Variants in ATXN2 observed in about 807,000 individuals in gnomAD.
The protein encoded by ATXN2 is ataxin-2.
ATXN2 carries 37 observed loss-of-function variants against 138.6 expected under a neutral mutation model. That is an observed-to-expected ratio of 0.27 (90% CI 0.21 to 0.35). The LOEUF (loss-of-function observed/expected upper bound fraction) is 0.35. Among genes scored for constraint, ATXN2 ranks in the 10% least tolerant of loss-of-function variants. The pLI is 1.00. For missense variants in ATXN2, 1,216 were observed against 1,480.3 expected, an observed-to-expected ratio of 0.82 and a Z score of 2.93; for synonymous variants, 549 against 543.7, an observed-to-expected ratio of 1.01 and a Z score of -0.13.
At chr12:111,549,620 A>G (rs1048042393) in intron 5 of ATXN2, among the ~76,000 whole-genome samples, 3 of 152,118 alleles carry the variant, frequency 2.0e-5, no homozygotes, top group African/African-American at 7.2e-5. Context: ...CCTAATTAAT[A>G]CTTTTCTTCT....
At chr12:111,558,312 A>G (rs1489567348) in intron 1 of ATXN2, among the ~76,000 whole-genome samples, 1 of 152,184 alleles carries the variant, frequency 6.6e-6, no homozygotes, top group Admixed American at 6.5e-5. Context: ...CAAACCAAAT[A>G]TTTTACTATT....
chr12:111,589,699 G>C (rs1884549275), intron 1 of ATXN2, among the ~76,000 whole-genome samples: 1 of 151,836 alleles, frequency 6.6e-6, no homozygotes, highest in Non-Finnish European at 1.5e-5. Context: ...TTGAACGCAA[G>C]AGGCAGAGGT....
At chr12:111,471,426 G>A (rs1263042793) in intron 18 of ATXN2, 1 of 152,294 alleles carries the variant, frequency 6.6e-6, no homozygotes, top group Non-Finnish European at 1.5e-5. Flanking sequence ...GCACGAGCTA[G>A]CTACTTCCCA....
intron 14 of ATXN2, among the ~76,000 whole-genome samples, chr12:111,505,921 A>G (rs535452368): frequency 6.6e-6 from 1 of 152,248 alleles, no homozygotes; most frequent in Non-Finnish European, 1.5e-5. Context: ...CAGAATAGTC[A>G]AACAGTGAGA....
chr12:111,491,456 C>T (rs1566022158), intron 14 of ATXN2, among the ~76,000 whole-genome samples: 1 of 152,060 alleles, frequency 6.6e-6, no homozygotes, highest in African/African-American at 2.4e-5. Flanking sequence ...CAAGGGAGTG[C>T]TTGTGCCAGC....
At chr12:111,464,247 GGTGTGTGTGT>G (rs57717176) in intron 21 of ATXN2, among the ~76,000 whole-genome samples, 29 of 134,714 alleles carry the variant, frequency 2.2e-4, no homozygotes, top group Admixed American at 1.2e-3. Flanking sequence ...TGTGGCTTGG[GGTGTGTGTGT>G]GTGTGTGTGT....
intron 1 of ATXN2, among the ~76,000 whole-genome samples, chr12:111,573,702 C>T (rs1883463724): frequency 6.6e-6 from 1 of 152,160 alleles, no homozygotes; most frequent in African/African-American, 2.4e-5. Flanking sequence ...ACCAGCCTGA[C>T]AGGCTGGGCT....
intron 1 of ATXN2, among the ~76,000 whole-genome samples, chr12:111,574,043 T>G (rs2135817702): frequency 6.6e-6 from 1 of 151,316 alleles, no homozygotes; most frequent in African/African-American, 2.4e-5. Context: ...TCCGGCCGGG[T>G]GCGGTGATTC....
chr12:111,548,535 G>A (rs917753841), intron 5 of ATXN2, among the ~76,000 whole-genome samples: 2 of 152,060 alleles, frequency 1.3e-5, no homozygotes, highest in Non-Finnish European at 2.9e-5. Context: ...AATTATAAAA[G>A]CTCAGAAATG....
chr12:111,452,901 G>A (rs1874767013), intron 24 of ATXN2, 61 bp from the exon 25 acceptor site: 11 of 1,531,728 alleles, frequency 7.2e-6, no homozygotes, highest in South Asian at 5.9e-5. Context: ...TCAGCCTAGT[G>A]TCTCTGCAGC....
intron 18 of ATXN2, 65 bp downstream of exon 18, chr12:111,485,200 A>C: frequency 2.1e-6 from 3 of 1,454,088 alleles, no homozygotes; most frequent in Non-Finnish European, 1.9e-6. Flanking sequence ...TATTCATTAT[A>C]AACTTAGTTA....
chr12:111,525,692 T>G (rs1054572947), intron 5 of ATXN2, among the ~76,000 whole-genome samples: 3 of 152,000 alleles, frequency 2.0e-5, no homozygotes, highest in Non-Finnish European at 4.4e-5. Context: ...AAGCATTTTT[T>G]TTTTTTTTTT....
intron 1 of ATXN2, among the ~76,000 whole-genome samples, chr12:111,573,889 G>A (rs11065955): frequency 2.2e-5 from 3 of 138,194 alleles, no homozygotes; most frequent in African/African-American, 5.4e-5. Context: ...TTTTTTTCCA[G>A]AAAAAATGGC....
chr12:111,549,279 AT>A (rs1182338662), intron 5 of ATXN2, among the ~76,000 whole-genome samples: 1 of 152,176 alleles, frequency 6.6e-6, no homozygotes, highest in African/African-American at 2.4e-5. Flanking sequence ...AATAAAAAAA[AT>A]CTAGATGCAG....
intron 14 of ATXN2, among the ~76,000 whole-genome samples, chr12:111,508,125 C>G (rs1879280110): frequency 6.6e-6 from 1 of 151,792 alleles, no homozygotes; most frequent in South Asian, 2.1e-4. Flanking sequence ...GCCAAATCCC[C>G]CTCTGCGAGA....
At position 111,464,673 on chromosome 12, in the gene ATXN2, A is replaced by G. The variant is rs1218201001; in HGVS notation, c.2885T>C (p.Phe962Ser). 6.2e-7 allele frequency: 1 copy of G among 1,611,372 alleles called. No homozygotes were observed. ...LPYNKETSPS[F>S]YFAISTGSLA... Reference sequence around the variant, plus strand: ...AAAACCCAACTCACTGGCAAAGTAGAAAGAAGGGCTTGTCTCCTTGTTGTA... The same window carrying G: ...AAAACCCAACTCACTGGCAAAGTAGGAAGAAGGGCTTGTCTCCTTGTTGTA... Residue 962 changes from phenylalanine (F) to serine (S), a missense_variant, in exon 21 of 25, where the codon TTC (phenylalanine) becomes TCC (serine). Coordinates refer to ENST00000673436, the MANE Select transcript of ATXN2 (RefSeq NM_001372574.1).
In ATXN2 at chr12:111,518,248, C is replaced by T; in HGVS notation, c.1165+1G>A. On this transcript the variant is annotated splice_donor_variant, in intron 9 of 24. Coordinates refer to ENST00000673436, the MANE Select transcript of ATXN2 (RefSeq NM_001372574.1). LOFTEE classifies it high-confidence loss of function. ...TTGACAAGTCTGGTCAAAATACTTG[C>T]CTCCATTAACTACTCTTTGGTCTGA... 1 of 1,574,872 alleles carries T rather than the reference C, an allele frequency of 6.3e-7. No individual in the cohort carries two copies. Among genetic ancestry groups the T allele is most frequent in the Non-Finnish European group, 8.7e-7 (1 of 1,155,666 alleles).
chr12:111,574,308 C>CAAAA (rs997437123), intron 1 of ATXN2, among the ~76,000 whole-genome samples: 3 of 32,580 alleles, frequency 9.2e-5, no homozygotes, highest in Non-Finnish European at 1.3e-4. Context: ...ACTCTGTCTC[C>CAAAA]AAAAAAAAAA....
At chr12:111,510,044 A>T (rs766061261) in intron 12 of ATXN2, 46 bp from the exon 13 acceptor site, 1 of 1,278,152 alleles carries the variant, frequency 7.8e-7, no homozygotes, top group East Asian at 2.3e-5. Flanking sequence ...TTAGAAAAGC[A>T]AAACAAGAAA....
Sources: allele counts gnomAD v4.1 joint callset (sites outside exome capture counted in the v4.1 genomes callset), GRCh38; gene constraint gnomAD v4.1.1; transcripts MANE v1.5; gene names NCBI Gene and HGNC (gene_info 2026-07-23, HGNC 2026-07-21).